The following NRP1 variants were observed in gnomAD, a reference collection of about 807,000 sequenced individuals.
The protein encoded by NRP1 is neuropilin-1.
A neutral mutation model predicts 106.7 loss-of-function variants in NRP1; 35 were observed. That is an observed-to-expected ratio of 0.33 (90% CI 0.25 to 0.43). The LOEUF (loss-of-function observed/expected upper bound fraction) is 0.43, where lower values mean the gene tolerates loss of function less well. NRP1 is among the 20% of genes least tolerant of loss of function. The pLI, the probability that NRP1 is intolerant of heterozygous loss-of-function variation, is 1.00. For missense variants in NRP1, 1,024 were observed against 1,170.4 expected, an observed-to-expected ratio of 0.87 and a Z score of 1.83; for synonymous variants, 437 against 417.9, an observed-to-expected ratio of 1.05 and a Z score of -0.56.
chr10:33,218,496 C>T (rs12357432), intron 8 of NRP1, among the ~76,000 whole-genome samples: 42,503 of 151,380 alleles, frequency 0.28, 6,352 homozygotes, highest in East Asian at 0.62. Context: ...CAAGTGCATG[C>T]CACCACACCT....
intron 4 of NRP1, 65 bp from the exon 5 acceptor site, chr10:33,256,536 G>C (rs10827221): frequency 0.33 from 523,979 of 1,567,572 alleles, 91,242 homozygotes; most frequent in African/African-American, 0.57. Flanking sequence ...GCAAGAATTA[G>C]CATTTACAAA....
rs769656147 is a variant in NRP1 at position 33,237,485 on chromosome 10, G to GCGCGCGCA, written c.982-11197_982-11196insTGCGCGCG. ...AACGGCAGAAGAAACACACATGCGC[G>GCGCGCGCA]CGCACACACACACACACACACACAC... On this transcript the variant is annotated intron_variant, in intron 6 of 16. Transcript: ENST00000374867. Among the ~76,000 whole-genome samples the GCGCGCGCA allele has an allele frequency of 9.3e-3, 1,214 of 130,154 alleles. 8 individuals carry two copies. Among genetic ancestry groups the GCGCGCGCA allele is most frequent in the Non-Finnish European group, 0.015 (939 of 63,052 alleles). 85.4% of individuals were successfully genotyped at this position (130,154 alleles called of 152,430 possible).
At chr10:33,226,448 T>C (rs77851357) in intron 6 of NRP1, among the ~76,000 whole-genome samples, 159 bp from the exon 7 acceptor site, 1,634 of 152,062 alleles carry the variant, frequency 0.011, 11 homozygotes, top group Non-Finnish European at 0.019. Flanking sequence ...TCCCTTCCAT[T>C]CCTTCTTAAA....
intron 2 of NRP1, among the ~76,000 whole-genome samples, chr10:33,277,157 T>A (rs1408287943): frequency 6.7e-6 from 1 of 149,180 alleles, no homozygotes; most frequent in Non-Finnish European, 1.5e-5. Flanking sequence ...AGTTTTTAAA[T>A]AACAGGAAAA....
intron 2 of NRP1, among the ~76,000 whole-genome samples, chr10:33,302,701 G>A (rs542964019): frequency 6.6e-6 from 1 of 152,290 alleles, no homozygotes; most frequent in South Asian, 2.1e-4. Flanking sequence ...TCCCCTCCTG[G>A]TTAGCAGCCA....
At chr10:33,184,620 T>A (rs1835889235) in intron 15 of NRP1, among the ~76,000 whole-genome samples, 1 of 152,226 alleles carries the variant, frequency 6.6e-6, no homozygotes, top group Non-Finnish European at 1.5e-5. Flanking sequence ...CTATTAAGCC[T>A]TATCATTCTT....
At chr10:33,225,101 T>C (rs376767370) in intron 7 of NRP1, among the ~76,000 whole-genome samples, 10 of 152,220 alleles carry the variant, frequency 6.6e-5, no homozygotes, top group African/African-American at 2.2e-4. Flanking sequence ...CCTCCAGGAC[T>C]AGACAATGGC....
intron 6 of NRP1, among the ~76,000 whole-genome samples, chr10:33,247,332 G>T (rs576679228): frequency 6.6e-6 from 1 of 151,958 alleles, no homozygotes; most frequent in South Asian, 2.1e-4. Context: ...GCCCTTCACA[G>T]CTCCTGAAAT....
intron 2 of NRP1, among the ~76,000 whole-genome samples, chr10:33,321,166 T>C (rs1847476807): frequency 6.6e-6 from 1 of 152,184 alleles, no homozygotes; most frequent in South Asian, 2.1e-4. Flanking sequence ...TTTGCATTTT[T>C]AGTAGAGACC....
chr10:33,256,413 T>A lies in NRP1; in HGVS notation c.717A>T (p.Ser239=), dbSNP rs1404101739. 3 of 1,614,082 alleles carry A rather than the reference T, an allele frequency of 1.9e-6. No homozygotes were observed. The highest frequency in any genetic ancestry group is 2.5e-6 in the Non-Finnish European group (3 of 1,180,022). ...AAAAAACCATGGAGAGAATGCCCGATGAGGATCGGATTCGACCTGGTGTTT... is the reference window on the plus strand; with the variant it reads ...AAAAAACCATGGAGAGAATGCCCGAAGAGGATCGGATTCGACCTGGTGTTT... The part of the protein sequence containing the change: ...GQKTPGRIRS[S]SGILSMVFYT... The change falls in exon 5 of 17, where the codon TCA becomes TCT. Residue 239 remains serine, a synonymous_variant. Transcript: ENST00000374867.
chr10:33,324,098 A>G (rs576464989), intron 2 of NRP1, among the ~76,000 whole-genome samples: 2 of 152,348 alleles, frequency 1.3e-5, no homozygotes, highest in South Asian at 4.2e-4. Context: ...CTCAAAATTC[A>G]TTATGATCAA....
At chr10:33,202,160 T>C (rs1167834209) in intron 11 of NRP1, 2 of 152,598 alleles carry the variant, frequency 1.3e-5, no homozygotes, top group African/African-American at 4.8e-5. Context: ...AACCACAGGG[T>C]GAAAACCCTA....
At chr10:33,240,050 A>G (rs1035266476) in intron 6 of NRP1, among the ~76,000 whole-genome samples, 10 of 152,244 alleles carry the variant, frequency 6.6e-5, no homozygotes, top group African/African-American at 2.4e-4. Flanking sequence ...TATAGACTTC[A>G]GGCCTTTTGC....
intron 2 of NRP1, among the ~76,000 whole-genome samples, chr10:33,281,249 C>T (rs1195576701): frequency 6.6e-6 from 1 of 152,064 alleles, no homozygotes; most frequent in African/African-American, 2.4e-5. Flanking sequence ...AGGGCTTCAC[C>T]ACATTGGCCA....
chr10:33,203,519 T>A (rs28538497), intron 10 of NRP1, among the ~76,000 whole-genome samples: 38,566 of 151,772 alleles, frequency 0.25, 5,544 homozygotes, highest in East Asian at 0.6. Flanking sequence ...ACAAAAAAAC[T>A]AAAAAAACAG....
At chr10:33,180,860 T>C (rs377080641) in intron 16 of NRP1, among the ~76,000 whole-genome samples, 27 of 152,224 alleles carry the variant, frequency 1.8e-4, no homozygotes, top group Non-Finnish European at 3.8e-4. Flanking sequence ...TTCTCCCATA[T>C]GGAAAATCTT....
At chr10:33,280,638 C>T (rs1298745644) in intron 2 of NRP1, among the ~76,000 whole-genome samples, 1 of 152,154 alleles carries the variant, frequency 6.6e-6, no homozygotes, top group Non-Finnish European at 1.5e-5. Context: ...TTACTTCCTT[C>T]TTATTGCTTT....
Position 33,203,872 on chromosome 10 carries a change from C to CT in NRP1, c.1760-878dup, listed in dbSNP as rs1048180224. ...TCTCCTGCCTCAGCCTCCCGAGTAG[C>CT]TGGGACTACAGGCGCCCGCCACCGC... On this transcript the variant is annotated intron_variant, in intron 10 of 16. Transcript: ENST00000374867. 8.5e-5 allele frequency among the ~76,000 whole-genome samples: 11 copies of CT among 129,170 alleles called. 1 individual carries two copies. The highest frequency in any genetic ancestry group is 2.9e-4 in the African/African-American group (11 of 38,032). 84.7% of individuals were successfully genotyped at this position (129,170 alleles called of 152,430 possible).
chr10:33,244,809 G>A (rs1024994745), intron 6 of NRP1, among the ~76,000 whole-genome samples: 1 of 152,146 alleles, frequency 6.6e-6, no homozygotes, highest in African/African-American at 2.4e-5. Flanking sequence ...AAAGGTCAGT[G>A]ACATACAACG....
Sources: allele counts gnomAD v4.1 joint callset (sites outside exome capture counted in the v4.1 genomes callset), GRCh38; gene constraint gnomAD v4.1.1; transcripts MANE v1.5; gene names NCBI Gene and HGNC (gene_info 2026-07-23, HGNC 2026-07-21).